RARB: variants seen among roughly 807,000 people sequenced by gnomAD.
RARB encodes the protein HBV-activated protein.
A neutral mutation model predicts 51.9 loss-of-function variants in RARB; 17 were observed. The observed-to-expected ratio is 0.33, with a 90% CI of 0.22 to 0.49. The LOEUF is 0.49. Among genes scored for constraint, RARB ranks in the 20% least tolerant of loss-of-function variants. The pLI is 0.99. For synonymous variants in RARB, 215 were observed against 195.4 expected (o/e 1.10, Z -0.84); for missense variants, 369 against 550.8 (o/e 0.67, Z 3.30).
intron 2 of RARB, among the ~76,000 whole-genome samples, chr3:25,469,272 C>T (rs1003462716): frequency 1.3e-5 from 2 of 152,206 alleles, no homozygotes; most frequent in African/African-American, 4.8e-5. Flanking sequence ...CTATTAAATA[C>T]TTTAAATGAG....
intron 2 of RARB, among the ~76,000 whole-genome samples, chr3:24,917,814 A>G (rs1307537661): frequency 6.6e-6 from 1 of 152,224 alleles, no homozygotes; most frequent in East Asian, 1.9e-4. Context: ...GGCGTGAGCC[A>G]CAGTGCCCAG....
At chr3:25,124,024 A>G (rs1279494698) in intron 3 of RARB, among the ~76,000 whole-genome samples, 1 of 152,210 alleles carries the variant, frequency 6.6e-6, no homozygotes, top group Non-Finnish European at 1.5e-5. Flanking sequence ...AAACTATGTT[A>G]CCAGTATTAT....
chr3:25,303,778 G>A (rs1704093949), intron 5 of RARB, among the ~76,000 whole-genome samples: 8 of 152,304 alleles, frequency 5.3e-5, no homozygotes, highest in Admixed American at 5.2e-4. Flanking sequence ...GAGCACCGTA[G>A]AGCCACAGCC....
Position 25,255,587 on chromosome 3 carries a change from C to G in RARB, c.178+81012C>G, listed in dbSNP as rs115248962. 7.1e-3 allele frequency among the ~76,000 whole-genome samples: 1,085 copies of G among 152,096 alleles called. 8 individuals carry two copies. Among genetic ancestry groups the G allele is most frequent in the African/African-American group, 0.024 (1,000 of 41,478 alleles). On this transcript the variant is annotated intron_variant, in intron 5 of 11. Transcript: ENST00000383772. ...AAAGCTAATACTTTATCTTGGTGAACAAGAGTCAGTACTTGCCGTGTAGAT... is the reference window on the plus strand; with the variant it reads ...AAAGCTAATACTTTATCTTGGTGAAGAAGAGTCAGTACTTGCCGTGTAGAT...
chr3:25,441,884 T>C (rs1708702017), intron 1 of RARB, among the ~76,000 whole-genome samples: 1 of 152,190 alleles, frequency 6.6e-6, no homozygotes, highest in Non-Finnish European at 1.5e-5. Flanking sequence ...GTACTTGGTC[T>C]ATGATCCTCA....
At chr3:25,215,940 A>G (rs954790433) in intron 5 of RARB, among the ~76,000 whole-genome samples, 2 of 152,146 alleles carry the variant, frequency 1.3e-5, no homozygotes, top group Non-Finnish European at 2.9e-5. Flanking sequence ...GAACTTTAGA[A>G]TTTTCATTTC....
intron 2 of RARB, among the ~76,000 whole-genome samples, chr3:24,881,627 T>C (rs189461746): frequency 3.9e-5 from 6 of 152,296 alleles, no homozygotes; most frequent in Admixed American, 2.6e-4. Context: ...TATAGTGGCA[T>C]TGATCTTTTT....
At chr3:25,005,539 G>T (rs1697250941) in intron 2 of RARB, among the ~76,000 whole-genome samples, 1 of 152,146 alleles carries the variant, frequency 6.6e-6, no homozygotes, top group African/African-American at 2.4e-5. Context: ...CCCTCACAAT[G>T]TGGTAACTGG....
At chr3:25,593,951 T>A (rs576205675) in intron 6 of RARB, among the ~76,000 whole-genome samples, 80 of 152,306 alleles carry the variant, frequency 5.3e-4, no homozygotes, top group African/African-American at 1.7e-3. Flanking sequence ...GCCACAGATT[T>A]TTTTTCTTAA....
chr3:25,045,420 G>A (rs1698195423), intron 2 of RARB, among the ~76,000 whole-genome samples: 1 of 152,120 alleles, frequency 6.6e-6, no homozygotes, highest in Non-Finnish European at 1.5e-5. Flanking sequence ...GTATCTGAGA[G>A]GTTTAAGTAA....
chr3:25,542,155 A>G (rs576805363), intron 3 of RARB, among the ~76,000 whole-genome samples: 4 of 152,354 alleles, frequency 2.6e-5, no homozygotes, highest in East Asian at 1.9e-4. Flanking sequence ...CAATTGTATC[A>G]TCGGATTCTG....
At chr3:25,077,324 TC>T (rs1482753454) in intron 3 of RARB, among the ~76,000 whole-genome samples, 3 of 152,204 alleles carry the variant, frequency 2.0e-5, no homozygotes, top group African/African-American at 7.2e-5. Flanking sequence ...TAAATTTCCA[TC>T]CCTCTGGATG....
intron 5 of RARB, among the ~76,000 whole-genome samples, chr3:25,193,999 A>G (rs113039393): frequency 0.019 from 2,947 of 152,058 alleles, 94 homozygotes; most frequent in African/African-American, 0.067. Context: ...AAGATACGGA[A>G]GCAGCCTAGG....
At chr3:25,532,651 C>T (rs999703950) in intron 3 of RARB, among the ~76,000 whole-genome samples, 3 of 152,198 alleles carry the variant, frequency 2.0e-5, no homozygotes, top group Admixed American at 2.0e-4. Flanking sequence ...AGCAAATGGC[C>T]TCTGGCTAAC....
At position 24,953,601 on chromosome 3, in the gene RARB, G is replaced by A. The variant is rs140186318; in HGVS notation, c.-380+94849G>A. On this transcript the variant is annotated intron_variant, in intron 2 of 11. Transcript: ENST00000383772. ...GTTATCGTTGCCATAGAGATAACTG[G>A]ATGATAGATAGCTAGATGATAGATA... Among the ~76,000 whole-genome samples, 327 of 152,272 alleles carry A rather than the reference G, an allele frequency of 2.1e-3. 2 individuals carry two copies. The highest frequency in any genetic ancestry group is 0.01 in the Middle Eastern group (3 of 294).
intron 4 of RARB, among the ~76,000 whole-genome samples, chr3:25,151,614 G>A (rs1490936054): frequency 6.6e-6 from 1 of 152,200 alleles, no homozygotes; most frequent in African/African-American, 2.4e-5. Context: ...TTATATGCGT[G>A]TTCTTCTCAG....
chr3:25,325,320 C>G (rs1284552924), intron 5 of RARB, among the ~76,000 whole-genome samples: 1 of 152,038 alleles, frequency 6.6e-6, no homozygotes, highest in East Asian at 1.9e-4. Flanking sequence ...TCATGGCCAT[C>G]TTGGTTTTGG....
At chr3:24,988,720 A>G (rs1374524339) in intron 2 of RARB, among the ~76,000 whole-genome samples, 1 of 152,238 alleles carries the variant, frequency 6.6e-6, no homozygotes, top group East Asian at 1.9e-4. Flanking sequence ...ATTGTTAGAC[A>G]TAGGTCTAAT....
chr3:25,382,753 G>T (rs541468352), intron 5 of RARB, among the ~76,000 whole-genome samples: 3 of 152,296 alleles, frequency 2.0e-5, no homozygotes, highest in African/African-American at 7.2e-5. Flanking sequence ...AGCTACTCGG[G>T]AGGCTGAGGC....
Sources: gnomAD v4.1 joint callset for allele counts (sites outside exome capture counted in the v4.1 genomes callset) on GRCh38, gnomAD v4.1.1 for gene constraint, MANE v1.5 for transcripts, NCBI Gene and HGNC (gene_info 2026-07-23, HGNC 2026-07-21) for gene names.